Variants in SNAPC4 observed in about 807,000 individuals in gnomAD.
The protein encoded by SNAPC4 is small nuclear RNA activating complex polypeptide 4.
A neutral mutation model predicts 151.3 loss-of-function variants in SNAPC4; 127 were observed. That is an observed-to-expected ratio of 0.84 (90% confidence interval 0.73 to 0.97). The LOEUF (loss-of-function observed/expected upper bound fraction) is 0.97. SNAPC4 is among the 50% of genes least tolerant of loss of function. The pLI is 0.00. For synonymous variants in SNAPC4, 1,002 were observed against 824.4 expected, an observed-to-expected ratio of 1.22 and a Z score of -3.69; for missense variants, 2,186 against 1,935.0, an observed-to-expected ratio of 1.13 and a Z score of -2.43.
At chr9:136,391,917 C>G in intron 10 of SNAPC4, 25 bp downstream of exon 10, 1 of 1,595,610 alleles carries the variant, frequency 6.3e-7, no homozygotes, top group Non-Finnish European at 8.5e-7. Context: ...TCTCCTGGCC[C>G]CTGGGGTCCA....
intron 10 of SNAPC4, among the ~76,000 whole-genome samples, chr9:136,389,938 G>A (rs1485778576): frequency 3.3e-5 from 5 of 152,164 alleles, no homozygotes; most frequent in African/African-American, 9.7e-5. Context: ...AAGTGCTGGC[G>A]TCACGCTTTC....
Position 136,378,613 on chromosome 9 carries a change from C to T in SNAPC4, c.3214G>A (p.Val1072Ile), listed in dbSNP as rs752269288. The change falls in exon 22 of 24, where the codon GTC becomes ATC. Residue 1072 changes from valine (V) to isoleucine (I), a missense_variant. Physicochemically the swap from Val to Ile is conservative, Grantham distance 29. Transcript: ENST00000684778. The part of the protein sequence containing the change: ...HIGGPHVATS[V>I]PLPVTWVLTA... Reference sequence around the variant, plus strand: ...AGCACCCAGGTGACAGGCAGGGGGACACTGGTCGCCACATGTGGCCCTCCT... The same window carrying T: ...AGCACCCAGGTGACAGGCAGGGGGATACTGGTCGCCACATGTGGCCCTCCT... 3 of 1,567,946 alleles carry T rather than the reference C, an allele frequency of 1.9e-6. No individual in the cohort carries two copies. Among genetic ancestry groups the T allele is most frequent in the Non-Finnish European group, 2.6e-6 (3 of 1,159,670 alleles).
chr9:136,392,532 GA>G lies in SNAPC4; in HGVS notation c.799del (p.Ser267ProfsTer78). On this transcript the variant is annotated frameshift_variant, in exon 9 of 24. Transcript: ENST00000684778. LOFTEE classifies it high-confidence loss of function. ...RLDSHDWEKI[S>X]NINFEGSRSA... Reference sequence around the variant, plus strand: ...CTGCCCCTGACTTACGTTAATATTGGAAATCTTCTCCCAGTCGTGGCTGTCC... The same window carrying G: ...CTGCCCCTGACTTACGTTAATATTGGAATCTTCTCCCAGTCGTGGCTGTCC... The G allele has an allele frequency of 6.2e-7, 1 of 1,613,810 alleles. No individual in the cohort carries two copies. The highest frequency in any genetic ancestry group is 1.3e-5 in the African/African-American group (1 of 75,058).
Position 136,383,429 on chromosome 9 carries a change from G to A in SNAPC4, c.1740C>T (p.Ser580=), listed in dbSNP as rs147824792. 510 of 1,564,908 alleles carry A rather than the reference G, an allele frequency of 3.3e-4. 1 individual carries two copies. The highest frequency in any genetic ancestry group is 1.9e-3 in the Admixed American group (98 of 52,608). ...DLWVPARQST[S]QPWRGGAGAW... is the part of the protein sequence containing the mutation. The stretch of plus-strand genomic sequence containing the variant: ...CCCCTGCCCCTCCTCTCCATGGCTG[G>A]CTGGTGCTCTGCCTGGCAGGAACCC... Residue 580 remains serine (S), a synonymous_variant, in exon 16 of 24, where the codon AGC becomes AGT. Transcript: ENST00000684778. This position sits in a 1 kb window ranked among gnomAD's most constrained non-coding sequence, Gnocchi z 4.2.
At chr9:136,379,742 G>T in intron 21 of SNAPC4, 95 bp downstream of exon 21, 1 of 1,137,138 alleles carries the variant, frequency 8.8e-7, no homozygotes, top group Middle Eastern at 2.1e-4. Context: ...TGTGCTGCTT[G>T]GGGGCTGTGG....
chr9:136,386,559 C>T (rs1049271696), intron 13 of SNAPC4, among the ~76,000 whole-genome samples: 1 of 151,774 alleles, frequency 6.6e-6, no homozygotes, highest in Non-Finnish European at 1.5e-5. Context: ...CTCAGCCTCC[C>T]GAGTAGCTGG....
Position 136,381,726 on chromosome 9 carries a change from G to A in SNAPC4, c.2317+98C>T. The A allele has an allele frequency of 2.7e-6, 4 of 1,462,218 alleles. No individual in the cohort carries two copies. The East Asian group carries it at 9.1e-5, about 33-fold the overall frequency. 90.6% of individuals were successfully genotyped at this position (1,462,218 alleles called of 1,614,324 possible). Reference sequence around the variant, plus strand: ...CACCCCAAAAAGACTCCCCTGCTGAGGCCACTTCCCCAAGTAGCCACCGTC... The same window carrying A: ...CACCCCAAAAAGACTCCCCTGCTGAAGCCACTTCCCCAAGTAGCCACCGTC... On this transcript the variant is annotated intron_variant, in intron 18 of 23. Coordinates refer to ENST00000684778, the MANE Select transcript of SNAPC4 (RefSeq NM_003086.4).
intron 1 of SNAPC4, chr9:136,398,656 T>G: frequency 1.0e-5 from 5 of 501,078 alleles, no homozygotes; most frequent in Non-Finnish European, 1.8e-5. Context: ...GCCAGGAGCC[T>G]AAGCCCCAAG....
In SNAPC4 at chr9:136,378,556, G is replaced by A. The variant is rs773529554; in HGVS notation, c.3271C>T (p.Pro1091Ser). Residue 1091 changes from proline (P) to serine (S), a missense_variant, in exon 22 of 24, where the codon CCA becomes TCA. Pro to Ser is a moderately conservative substitution (Grantham distance 74, BLOSUM62 -1). Coordinates refer to ENST00000684778, the MANE Select transcript of SNAPC4 (RefSeq NM_003086.4). ...TAQGLLPVPV[P>S]AVVSLPRPAG... ...GGCCTGGGAAGGCTCACCACAGCTG[G>A]TACAGGAACAGGGAGAAGCCCCTGG... is the stretch of plus-strand genomic sequence containing the variant. 6 of 1,593,126 alleles carry A rather than the reference G, an allele frequency of 3.8e-6. No individual in the cohort carries two copies. Among genetic ancestry groups the A allele is most frequent in the Non-Finnish European group, 4.3e-6 (5 of 1,173,796 alleles).
intron 3 of SNAPC4, among the ~76,000 whole-genome samples, chr9:136,396,406 T>C (rs999853497): frequency 6.6e-6 from 1 of 152,262 alleles, no homozygotes; most frequent in Admixed American, 6.5e-5. Context: ...CAGGTGCTGT[T>C]TGGGTGCTTG....
In SNAPC4 at chr9:136,383,621, G is replaced by A; in HGVS notation, c.1548C>T (p.Val516=). The A allele has an allele frequency of 6.2e-7, 1 of 1,611,508 alleles. No individual in the cohort carries two copies. The highest frequency in any genetic ancestry group is 8.5e-7 in the Non-Finnish European group (1 of 1,179,214). ...RRRRRRARHS[V]RWSSTSSSGS... is the part of the protein sequence containing the mutation. ...CGCTGCTGCTGGTAGAGCTCCACCG[G>A]ACGCTGTGACGGGCCCTCCGCCGCC... is the stretch of plus-strand genomic sequence containing the variant. Residue 516 remains valine (V), a synonymous_variant, in exon 16 of 24, where the codon GTC becomes GTT. Coordinates refer to ENST00000684778, the MANE Select transcript of SNAPC4 (RefSeq NM_003086.4). The surrounding 1 kb of genome is among the most constrained non-coding windows in gnomAD (Gnocchi z 4.2).
rs780715328 is a variant in SNAPC4 at position 136,392,731 on chromosome 9, C to T, written c.679G>A (p.Glu227Lys). 1.2e-6 allele frequency: 2 copies of T among 1,613,652 alleles called. No individual in the cohort carries two copies. Among genetic ancestry groups the T allele is most frequent in the African/African-American group, 2.7e-5 (2 of 74,940 alleles). ...QKQSKVSSEL[E>K]RQALEKQGRE... Reference sequence around the variant, plus strand: ...CCCTGCTTCTCCAGGGCTTGCCTCTCCAGCTCACTGGAGACTTTGCTCTGC... The same window carrying T: ...CCCTGCTTCTCCAGGGCTTGCCTCTTCAGCTCACTGGAGACTTTGCTCTGC... Residue 227 changes from glutamate to lysine, a missense_variant, in exon 8 of 24, where the codon GAG (glutamate) becomes AAG (lysine). By Grantham distance (56) the Glu-to-Lys change is moderately conservative. Transcript: ENST00000684778.
Position 136,387,811 on chromosome 9 carries a change from C to A in SNAPC4, c.1161G>T (p.Leu387=). The A allele has an allele frequency of 6.2e-7, 1 of 1,612,238 alleles. No homozygotes were observed. The highest frequency in any genetic ancestry group is 8.5e-7 in the Non-Finnish European group (1 of 1,178,460). ...YYMEGRDSMQ[L]IYRWTKSLDP... ...CCAAGCTCTTGGTCCATCGGTAGAT[C>A]AGCTGCATGGAGTCTCTCCCTTCCA... The change falls in exon 12 of 24, where the codon CTG becomes CTT. Residue 387 remains leucine (L), a synonymous_variant. Transcript: ENST00000684778.
intron 19 of SNAPC4, 29 bp downstream of exon 19, chr9:136,381,293 G>A (rs757406334): frequency 2.1e-5 from 33 of 1,586,122 alleles, no homozygotes; most frequent in East Asian, 4.5e-5. Flanking sequence ...CAAGGCAAAG[G>A]AAAACGAAGC....
In SNAPC4 at chr9:136,377,767, G is replaced by A. The variant is rs1269313774; in HGVS notation, c.4060C>T (p.Gln1354Ter). The change falls in exon 22 of 24, where the codon CAG becomes TAG. Residue 1354 changes from glutamine to a stop codon, truncating the protein, a stop_gained. Transcript: ENST00000684778. LOFTEE classifies it high-confidence loss of function. ...LQASLGLVRG[Q>*]LQDNPAYLLL... Reference sequence around the variant, plus strand: ...AGGTAGGCCGGGTTGTCCTGGAGCTGCCCCCGCACCAGCCCCAGTGAGGCT... The same window carrying A: ...AGGTAGGCCGGGTTGTCCTGGAGCTACCCCCGCACCAGCCCCAGTGAGGCT... The A allele has an allele frequency of 1.2e-6, 2 of 1,611,506 alleles. No homozygotes were observed. Among genetic ancestry groups the A allele is most frequent in the Non-Finnish European group, 1.7e-6 (2 of 1,179,396 alleles).
chr9:136,388,227 G>A (rs1156926790), intron 11 of SNAPC4, among the ~76,000 whole-genome samples: 6 of 145,870 alleles, frequency 4.1e-5, no homozygotes, highest in Admixed American at 7.2e-5. Context: ...AGATCATGGC[G>A]TTGCACTCCA....
Position 136,377,936 on chromosome 9 carries a change from CAGA to C in SNAPC4, c.3888_3890del (p.Leu1297del). On this transcript the variant is annotated inframe_deletion, in exon 22 of 24. Coordinates refer to ENST00000684778, the MANE Select transcript of SNAPC4 (RefSeq NM_003086.4). ...GGGGCTGATAGGGCAGTCTGCTGCC[CAGA>C]AGAGGCACACGCACCCCCCGCTGGC... The C allele has an allele frequency of 6.2e-7, 1 of 1,607,410 alleles. No individual in the cohort carries two copies. The highest frequency in any genetic ancestry group is 8.5e-7 in the Non-Finnish European group (1 of 1,177,416).
At chr9:136,392,880 T>C in intron 7 of SNAPC4, 103 bp from the exon 8 acceptor site, 1 of 941,956 alleles carries the variant, frequency 1.1e-6, no homozygotes, top group South Asian at 1.4e-5. Flanking sequence ...CAGCAGAGAT[T>C]CCGAGCCTCC....
chr9:136,376,626 GC>G, intron 22 of SNAPC4, 145 bp from the exon 23 acceptor site: 1 of 906,010 alleles, frequency 1.1e-6, no homozygotes, highest in Non-Finnish European at 1.7e-6. Flanking sequence ...GCTGCTCCAG[GC>G]ACTCCTGGGG....
Sources: allele counts gnomAD v4.1 joint callset (sites outside exome capture counted in the v4.1 genomes callset), GRCh38; gene constraint gnomAD v4.1.1; non-coding constraint Gnocchi (gnomAD v3.1); transcripts MANE v1.5; gene names NCBI Gene and HGNC (gene_info 2026-07-23, HGNC 2026-07-21).